RFX6: variants seen among roughly 807,000 people sequenced by gnomAD.
The protein encoded by RFX6 is DNA-binding protein RFX6.
A neutral mutation model predicts 110.8 loss-of-function variants in RFX6; 50 were observed. That is an observed-to-expected ratio of 0.45 (90% confidence interval 0.36 to 0.57). The LOEUF is 0.57. RFX6 is among the 20% of genes least tolerant of loss of function. The pLI, the probability that RFX6 is intolerant of heterozygous loss-of-function variation, is 0.00. For missense variants in RFX6, 990 were observed against 1,127.0 expected (o/e 0.88, Z 1.74); for synonymous variants, 383 against 411.2 (o/e 0.93, Z 0.83).
chr6:116,901,246 GATGTAACCCCA>G (rs1775068013), intron 6 of RFX6, among the ~76,000 whole-genome samples: 1 of 152,112 alleles, frequency 6.6e-6, no homozygotes, highest in Non-Finnish European at 1.5e-5. Context: ...GTTTTATTGG[GATGTAACCCCA>G]TTGTAAATTG....
At chr6:116,877,692 C>A in intron 1 of RFX6, 104 bp from the exon 2 acceptor site, 1 of 1,207,532 alleles carries the variant, frequency 8.3e-7, no homozygotes. Flanking sequence ...TCCCCTCCGC[C>A]CCCACCCCAG....
rs1296442869 is a variant in RFX6 at position 116,931,768 on chromosome 6, G to C, written c.*262G>C. On this transcript the variant is annotated 3_prime_UTR_variant, in exon 19 of 19. Coordinates refer to ENST00000332958, the MANE Select transcript of RFX6 (RefSeq NM_173560.4). The stretch of plus-strand genomic sequence containing the variant: ...CAAATAAAACCAGTGAAGATCTGAA[G>C]ATGCAAACATTTCAACTATGAAGAT... 14 of 357,300 alleles carry C rather than the reference G, an allele frequency of 3.9e-5. No homozygotes were observed. Among genetic ancestry groups the C allele is most frequent in the Non-Finnish European group, 6.6e-5 (13 of 198,052 alleles). The allele number at this position is 357,300 out of a possible 1,614,324, so 22.1% of individuals were successfully genotyped here.
At chr6:116,894,805 A>C (rs1774907003) in intron 5 of RFX6, among the ~76,000 whole-genome samples, 1 of 152,074 alleles carries the variant, frequency 6.6e-6, no homozygotes, top group Admixed American at 6.6e-5. Context: ...TGGAAAAAAA[A>C]AGTTTAGTCA....
intron 2 of RFX6, among the ~76,000 whole-genome samples, chr6:116,879,937 T>C (rs1230894623): frequency 1.3e-5 from 2 of 152,064 alleles, no homozygotes; most frequent in East Asian, 3.8e-4. Flanking sequence ...AATTACATTA[T>C]CTTTTAAGTG....
chr6:116,903,254 G>GT (rs917904365), intron 6 of RFX6, among the ~76,000 whole-genome samples: 1 of 152,010 alleles, frequency 6.6e-6, no homozygotes, highest in African/African-American at 2.4e-5. Context: ...TAATTTTAAG[G>GT]TTTTTTGGGG....
rs572020951 is a variant in RFX6, at chr6:116,902,248, A to G, written c.672+7041A>G. 2.0e-5 allele frequency among the ~76,000 whole-genome samples: 3 copies of G among 152,178 alleles called. No individual in the cohort carries two copies. In the South Asian group the frequency reaches 6.2e-4, roughly 32 times the overall value. ...GAGAAGAAGGGAATGAAATTAGGCA[A>G]GGCTGCTTTAGTATTGGAAATGTCT... On this transcript the variant is annotated intron_variant, in intron 6 of 18. Coordinates refer to ENST00000332958, the MANE Select transcript of RFX6 (RefSeq NM_173560.4).
intron 11 of RFX6, 150 bp downstream of exon 11, chr6:116,919,446 T>C: frequency 2.7e-6 from 2 of 742,606 alleles, no homozygotes; most frequent in Non-Finnish European, 4.8e-6. Context: ...AATGCTATGA[T>C]AGAAAAAGCA....
At chr6:116,904,421 C>G (rs1167959718) in intron 6 of RFX6, among the ~76,000 whole-genome samples, 2 of 151,928 alleles carry the variant, frequency 1.3e-5, no homozygotes, top group African/African-American at 4.8e-5. Flanking sequence ...AAGATTATAA[C>G]AATATTCTCT....
chr6:116,910,994 C>T lies in RFX6; in HGVS notation c.732C>T (p.Phe244=). 2 of 1,613,494 alleles carry T rather than the reference C, an allele frequency of 1.2e-6. No individual in the cohort carries two copies. The highest frequency in any genetic ancestry group is 1.7e-6 in the Non-Finnish European group (2 of 1,179,518). The change falls in exon 7 of 19, where the codon TTC becomes TTT. Residue 244 remains phenylalanine (F), a synonymous_variant. Transcript: ENST00000332958. ...SSKTGTLLPE[F]PSAQHLVYQG... is the part of the protein sequence containing the mutation. Reference sequence around the variant, plus strand: ...AAACTGGAACACTTCTTCCAGAATTCCCCAGCGCTCAACACCTTGTATACC... The same window carrying T: ...AAACTGGAACACTTCTTCCAGAATTTCCCAGCGCTCAACACCTTGTATACC...
intron 4 of RFX6, among the ~76,000 whole-genome samples, chr6:116,886,028 A>G (rs1366548145): frequency 6.6e-6 from 1 of 152,166 alleles, no homozygotes; most frequent in Non-Finnish European, 1.5e-5. Context: ...AGACAGAAAT[A>G]TAAAGTAAGT....
chr6:116,896,567 T>G (rs1774948942), intron 6 of RFX6, among the ~76,000 whole-genome samples: 1 of 139,708 alleles, frequency 7.2e-6, no homozygotes, highest in Non-Finnish European at 1.5e-5. Flanking sequence ...TATTTGGGCA[T>G]GGTGATGTAT....
chr6:116,880,545 C>G lies in RFX6; in HGVS notation c.382C>G (p.Leu128Val). ...KKQTQLTLQWLEENYIVCEGV... is the reference protein window; with the variant it reads ...KKQTQLTLQWVEENYIVCEGV... ...CTAATTTTTGTTCCTTTTTCTTAGG[C>G]TTGAAGAGAATTACATTGTATGTGA... Residue 128 changes from leucine to valine, a missense_variant and splice_region_variant, in exon 3 of 19, where the codon CTT (leucine) becomes GTT (valine). This residue lies in a region of RFX6 where 175 missense variants were observed against 162.3 expected (regional missense o/e 1.08). Transcript: ENST00000332958. The G allele has an allele frequency of 6.2e-7, 1 of 1,612,326 alleles. No individual in the cohort carries two copies. Among genetic ancestry groups the G allele is most frequent in the Non-Finnish European group, 8.5e-7 (1 of 1,178,790 alleles).
At chr6:116,924,074 A>G (rs1454172313) in intron 14 of RFX6, among the ~76,000 whole-genome samples, 1 of 152,232 alleles carries the variant, frequency 6.6e-6, no homozygotes, top group African/African-American at 2.4e-5. Context: ...AATATACAGC[A>G]TTGAAGCCTG....
At chr6:116,925,412 A>T (rs1562147952) in intron 15 of RFX6, 41 bp from the exon 16 acceptor site, 1 of 1,250,504 alleles carries the variant, frequency 8.0e-7, no homozygotes, top group Non-Finnish European at 1.2e-6. Context: ...GAGGAATGTG[A>T]GAAAAAATCT....
At chr6:116,893,486 G>T (rs1774873632) in intron 4 of RFX6, among the ~76,000 whole-genome samples, 1 of 152,186 alleles carries the variant, frequency 6.6e-6, no homozygotes, top group Admixed American at 6.5e-5. Context: ...AGTGAAAATA[G>T]TAGTGAATTG....
intron 6 of RFX6, among the ~76,000 whole-genome samples, chr6:116,898,855 G>C (rs1212630840): frequency 1.3e-5 from 2 of 152,164 alleles, no homozygotes; most frequent in Non-Finnish European, 2.9e-5. Context: ...GAAAGTCCTA[G>C]CTATTCTCAA....
At chr6:116,900,816 C>A (rs915169312) in intron 6 of RFX6, among the ~76,000 whole-genome samples, 3 of 151,864 alleles carry the variant, frequency 2.0e-5, no homozygotes, top group African/African-American at 7.3e-5. Flanking sequence ...TTAAAAGGCT[C>A]TTTTAATGAT....
intron 4 of RFX6, 81 bp downstream of exon 4, chr6:116,882,509 C>T: frequency 2.0e-6 from 2 of 999,150 alleles, no homozygotes; most frequent in Non-Finnish European, 3.2e-6. Flanking sequence ...TTGTCTTTGT[C>T]AGTACAAAGA....
chr6:116,922,211 G>C lies in RFX6; in HGVS notation c.1437+60G>C, dbSNP rs948495517. 91 of 876,082 alleles carry C rather than the reference G, an allele frequency of 1.0e-4. 2 individuals are homozygous for C. In the East Asian group the frequency reaches 2.1e-3, roughly 21 times the overall value. The allele number at this position is 876,082 out of a possible 1,614,324, so 54.3% of individuals were successfully genotyped here. ...CTTGTAAAGAGTAAATGCTAAACTG[G>C]CTATAATTTTTTGTCTGGGGGGAGA... is the stretch of plus-strand genomic sequence containing the variant. On this transcript the variant is annotated intron_variant, in intron 13 of 18. Coordinates refer to ENST00000332958, the MANE Select transcript of RFX6 (RefSeq NM_173560.4).
Sources: allele counts gnomAD v4.1 joint callset (sites outside exome capture counted in the v4.1 genomes callset), GRCh38; gene constraint gnomAD v4.1.1; regional missense constraint gnomAD v4.1.1; transcripts MANE v1.5; gene names NCBI Gene and HGNC (gene_info 2026-07-23, HGNC 2026-07-21).